Variants in C4orf50 observed in about 807,000 individuals in gnomAD.
C4orf50 encodes chromosome 4 open reading frame 50, also known as uncharacterized protein C4orf50.
Under a neutral mutation model 77.2 loss-of-function variants are expected in C4orf50, and 80 were observed. The ratio of observed to expected loss-of-function variants is 1.04; its 90% CI spans 0.87 to 1.25. The LOEUF is 1.25. Among genes scored for constraint, C4orf50 ranks in the 50% most tolerant of loss-of-function variants. The probability of loss-of-function intolerance (pLI) is 0.00; values close to 1 mark genes in which losing one functional copy is unlikely to be tolerated. For synonymous variants in C4orf50, 532 were observed against 465.3 expected, an observed-to-expected ratio of 1.14 and a Z score of -1.84; for missense variants, 1,257 against 1,152.9, an observed-to-expected ratio of 1.09 and a Z score of -1.31.
intron 32 of C4orf50, among the ~76,000 whole-genome samples, chr4:5,965,800 A>G (rs1038715488): frequency 1.3e-5 from 2 of 152,152 alleles, no homozygotes; most frequent in Non-Finnish European, 2.9e-5. Context: ...GGGTCCAGAC[A>G]CTCCAGAGGA....
intron 7 of C4orf50, among the ~76,000 whole-genome samples, chr4:5,937,618 T>G (rs889762862): frequency 5.9e-5 from 9 of 152,152 alleles, no homozygotes; most frequent in Admixed American, 5.2e-4. Context: ...GACTAAACTT[T>G]CCATTTAAAA....
Position 5,992,136 on chromosome 4 carries a change from GGGCGGTGAGGAGCGA to G in C4orf50, c.1221+652_1221+666del, listed in dbSNP as rs1721325543. On this transcript the variant is annotated intron_variant, in intron 27 of 33. Transcript: ENST00000531445. The surrounding 1 kb of genome is among the most constrained non-coding windows in gnomAD (Gnocchi z 5.0). ...CATTGCCCTGGGCTTCAAGGGAAGGGGGCGGTGAGGAGCGAGGCATATAGGGATGTGACATCCAAC... is the reference window on the plus strand; with the variant it reads ...CATTGCCCTGGGCTTCAAGGGAAGGGGGCATATAGGGATGTGACATCCAAC... 1.3e-5 allele frequency among the ~76,000 whole-genome samples: 2 copies of G among 152,178 alleles called. No homozygotes were observed. Among genetic ancestry groups the G allele is most frequent in the South Asian group, 2.1e-4 (1 of 4,834 alleles).
intron 25 of C4orf50, among the ~76,000 whole-genome samples, chr4:6,003,620 G>GAT (rs1721945581): frequency 7.1e-6 from 1 of 140,984 alleles, no homozygotes; most frequent in African/African-American, 3.0e-5. Context: ...TGATGGTGAT[G>GAT]GTGGTGATGA....
intron 7 of C4orf50, among the ~76,000 whole-genome samples, chr4:5,948,854 G>A (rs184584777): frequency 2.6e-3 from 398 of 151,100 alleles, no homozygotes; most frequent in African/African-American, 9.1e-3. Context: ...CCAGCTACTC[G>A]GGAGGCTGAG....
At position 5,970,697 on chromosome 4, in the gene C4orf50, AG is replaced by A. The variant is rs1719860206; in HGVS notation, c.4104+2961del. Among the ~76,000 whole-genome samples, 1 of 152,176 alleles carries A rather than the reference AG, an allele frequency of 6.6e-6. No homozygotes were observed. The highest frequency in any genetic ancestry group is 2.1e-4 in the South Asian group (1 of 4,834). On this transcript the variant is annotated intron_variant, in intron 31 of 33. Transcript: ENST00000531445. The surrounding 1 kb of genome is among the most constrained non-coding windows in gnomAD (Gnocchi z 4.3). ...TACAAAGACTCAGTCACGTGCAGGG[AG>A]GGGAGGTGGTCACCGACTGCTGCTT...
chr4:6,004,195 TG>T (rs769214757), intron 25 of C4orf50, among the ~76,000 whole-genome samples: 9 of 137,608 alleles, frequency 6.5e-5, no homozygotes, highest in Admixed American at 7.7e-5. Context: ...ATGGTGATGA[TG>T]GTGATGGTGA....
At chr4:5,909,125 A>G (rs1456826397) in intron 7 of C4orf50, among the ~76,000 whole-genome samples, 1 of 152,212 alleles carries the variant, frequency 6.6e-6, no homozygotes, top group Non-Finnish European at 1.5e-5. Flanking sequence ...TTTAGGATGC[A>G]GCCTAACTTA....
At chr4:5,906,061 G>A (rs1011071258) in intron 7 of C4orf50, among the ~76,000 whole-genome samples, 3 of 152,132 alleles carry the variant, frequency 2.0e-5, no homozygotes, top group African/African-American at 7.2e-5. Context: ...AGCAAGAGTT[G>A]GTGTCAGGGT....
At chr4:5,964,057 C>T (rs1719415413) in intron 33 of C4orf50, among the ~76,000 whole-genome samples, 1 of 152,124 alleles carries the variant, frequency 6.6e-6, no homozygotes, top group Non-Finnish European at 1.5e-5. Flanking sequence ...TGTCTGAAGC[C>T]ATCTGAGAGC....
At chr4:5,966,347 C>T (rs375709140) in intron 32 of C4orf50, among the ~76,000 whole-genome samples, 16 of 151,858 alleles carry the variant, frequency 1.1e-4, no homozygotes, top group African/African-American at 2.4e-4. Flanking sequence ...TGATAGTGGG[C>T]GCCTGCAATC....
chr4:5,959,008 T>C (rs768584658), exon 34 of C4orf50: 2 of 217,044 alleles, frequency 9.2e-6, no homozygotes, highest in Non-Finnish European at 1.9e-5. Context: ...ACCCACCAGA[T>C]GCCAGTAGCA....
intron 25 of C4orf50, among the ~76,000 whole-genome samples, chr4:5,995,591 C>T (rs1721539674): frequency 6.6e-6 from 1 of 152,140 alleles, no homozygotes; most frequent in African/African-American, 2.4e-5. Context: ...TGGCTGCTTC[C>T]ACTGCAGTGC....
At chr4:5,899,708 T>TA (rs1716264066) in intron 7 of C4orf50, 1 of 152,232 alleles carries the variant, frequency 6.6e-6, no homozygotes, top group East Asian at 1.9e-4. Flanking sequence ...AAAGAGACTA[T>TA]GTGACTGTAT....
rs1443691595 is a variant in C4orf50, at chr4:6,000,888, C to T, written c.964-6412G>A. ...TTTTCATGTCCCCCCAAAACTCATC[C>T]GTTAAAACCCATATCCCCAAAGGGA... is the stretch of plus-strand genomic sequence containing the variant. On this transcript the variant is annotated intron_variant, in intron 25 of 33. Coordinates refer to ENST00000531445, the Ensembl canonical transcript of C4orf50. The surrounding 1 kb of genome is among the most constrained non-coding windows in gnomAD (Gnocchi z 6.0). Among the ~76,000 whole-genome samples the T allele has an allele frequency of 1.3e-5, 2 of 152,308 alleles. No homozygotes were observed. Among genetic ancestry groups the T allele is most frequent in the African/African-American group, 4.8e-5 (2 of 41,576 alleles).
intron 7 of C4orf50, among the ~76,000 whole-genome samples, chr4:5,938,875 G>A (rs749693572): frequency 5.3e-5 from 8 of 151,478 alleles, no homozygotes; most frequent in Non-Finnish European, 7.4e-5. Flanking sequence ...GTTTGCTGCT[G>A]TGACAGATGG....
At chr4:5,936,278 G>C (rs899785451) in intron 7 of C4orf50, among the ~76,000 whole-genome samples, 14 of 151,972 alleles carry the variant, frequency 9.2e-5, no homozygotes, top group Admixed American at 2.0e-4. Context: ...AAGACAGAAA[G>C]AGGATGGGTG....
rs1440024768 is a variant in C4orf50, at chr4:5,961,535, C to T, written c.4276-1909G>A. ...GGAGATAAGTGCTATTATTATCATC[C>T]CATCATACAGATGAAGCAACAGAAG... On this transcript the variant is annotated intron_variant, in intron 33 of 33. Coordinates refer to ENST00000531445, the Ensembl canonical transcript of C4orf50. Among the ~76,000 whole-genome samples, 5 of 152,262 alleles carry T rather than the reference C, an allele frequency of 3.3e-5. No individual in the cohort carries two copies. In the East Asian group the frequency reaches 9.6e-4, roughly 29 times the overall value.
chr4:5,925,334 C>A (rs1211617024), intron 7 of C4orf50, among the ~76,000 whole-genome samples: 1 of 152,152 alleles, frequency 6.6e-6, no homozygotes, highest in Admixed American at 6.5e-5. Context: ...GCTGGATCCC[C>A]AACTCTCTTC....
At chr4:5,963,486 T>G (rs1356431791) in intron 33 of C4orf50, among the ~76,000 whole-genome samples, 1 of 152,208 alleles carries the variant, frequency 6.6e-6, no homozygotes, top group Non-Finnish European at 1.5e-5. Flanking sequence ...CCTCCTCTAT[T>G]TTTGATTCCA....
Sources: allele counts gnomAD v4.1 joint callset (sites outside exome capture counted in the v4.1 genomes callset), GRCh38; gene constraint gnomAD v4.1.1; non-coding constraint Gnocchi (gnomAD v3.1); transcripts MANE v1.5; gene names NCBI Gene and HGNC (gene_info 2026-07-23, HGNC 2026-07-21).